TOP1MT: variants seen among roughly 807,000 people sequenced by gnomAD.
The protein encoded by TOP1MT is DNA topoisomerase I mitochondrial.
Under a neutral mutation model 73.9 loss-of-function variants are expected in TOP1MT, and 80 were observed. The ratio of observed to expected loss-of-function variants is 1.08; its 90% CI spans 0.90 to 1.30. The LOEUF (loss-of-function observed/expected upper bound fraction) is 1.30, where lower values mean the gene tolerates loss of function less well. Among genes scored for constraint, TOP1MT ranks in the 50% most tolerant of loss-of-function variants. The pLI is 0.00. For synonymous variants in TOP1MT, 338 were observed against 326.4 expected, an observed-to-expected ratio of 1.04 and a Z score of -0.38; for missense variants, 815 against 808.0, an observed-to-expected ratio of 1.01 and a Z score of -0.10.
At chr8:143,321,687 C>T (rs1377089285) in intron 7 of TOP1MT, among the ~76,000 whole-genome samples, 1 of 133,210 alleles carries the variant, frequency 7.5e-6, no homozygotes, top group Non-Finnish European at 1.6e-5. Flanking sequence ...ACGCACGCCA[C>T]GCACGCACGC....
chr8:143,339,130 C>T (rs527648106), upstream of TOP1MT, among the ~76,000 whole-genome samples: 46 of 152,306 alleles, frequency 3.0e-4, no homozygotes, highest in South Asian at 3.3e-3. Context: ...TGGGAGGCGG[C>T]GCCGCCCAGC....
At chr8:143,349,128 G>A (rs1817278293), upstream of TOP1MT, among the ~76,000 whole-genome samples, 1 of 152,122 alleles carries the variant, frequency 6.6e-6, no homozygotes, top group Non-Finnish European at 1.5e-5. Context: ...GGCGGGCCAT[G>A]AGCCTCTTCT....
rs1163599290 is a variant in TOP1MT, at chr8:143,322,559, AC to A, written c.961-1174del. On this transcript the variant is annotated intron_variant, in intron 7 of 13. Coordinates refer to ENST00000329245, the MANE Select transcript of TOP1MT (RefSeq NM_052963.3). ...GATGCACGCCACACACACGCACGCCACACACAGACACGCCACACACATGCAC... is the reference window on the plus strand; with the variant it reads ...GATGCACGCCACACACACGCACGCCAACACAGACACGCCACACACATGCAC... Among the ~76,000 whole-genome samples, 622 of 118,102 alleles carry A rather than the reference AC, an allele frequency of 5.3e-3. 19 individuals carry two copies. Among genetic ancestry groups the A allele is most frequent in the African/African-American group, 0.02 (597 of 29,442 alleles). 77.5% of individuals were successfully genotyped at this position (118,102 alleles called of 152,430 possible).
At chr8:143,320,868 G>A (rs1373215053) in intron 8 of TOP1MT, among the ~76,000 whole-genome samples, 2 of 152,020 alleles carry the variant, frequency 1.3e-5, no homozygotes, top group African/African-American at 4.8e-5. Context: ...CCCCAGGGCT[G>A]AGCGACAATA....
chr8:143,311,050 C>T (rs1418382999), intron 12 of TOP1MT, among the ~76,000 whole-genome samples: 2 of 151,664 alleles, frequency 1.3e-5, no homozygotes, highest in African/African-American at 2.4e-5. Context: ...CCTCTGCCTC[C>T]CGGGTTCAAG....
chr8:143,318,059 C>G lies in TOP1MT; in HGVS notation c.1174G>C (p.Glu392Gln), dbSNP rs754988980. 1.2e-6 allele frequency: 2 copies of G among 1,614,090 alleles called. No homozygotes were observed. Among genetic ancestry groups the G allele is most frequent in the Non-Finnish European group, 1.7e-6 (2 of 1,180,002 alleles). The change falls in exon 9 of 14, where the codon GAG becomes CAG. Residue 392 changes from glutamate (E) to glutamine (Q), a missense_variant. Glu to Gln is a conservative substitution (Grantham distance 29). Around this residue, in one of 3 missense-constraint regions of TOP1MT, gnomAD observed 751 missense variants for 725.4 expected, o/e 1.04. Transcript: ENST00000329245. Reference protein sequence around the residue: ...PVYKNLQLFMENKDPRDDLFD... With the variant: ...PVYKNLQLFMQNKDPRDDLFD... ...AGGTCGTCCCGGGGGTCCTTGTTCT[C>G]CATAAAGAGCTGTAAGTTCTTGTAC... is the stretch of plus-strand genomic sequence containing the variant.
chr8:143,322,581 T>C (rs1226418715), intron 7 of TOP1MT, among the ~76,000 whole-genome samples: 658 of 56,008 alleles, frequency 0.012, 20 homozygotes, highest in African/African-American at 0.042. Context: ...GCCACACACA[T>C]GCACGCCACA....
At chr8:143,351,579 C>CAAAAAA (rs35498119) in intron 1 of TOP1MT, among the ~76,000 whole-genome samples, 1 of 91,510 alleles carries the variant, frequency 1.1e-5, no homozygotes. Context: ...GACCCAGTCT[C>CAAAAAA]AAAAAAAAAA....
upstream of TOP1MT, among the ~76,000 whole-genome samples, chr8:143,335,460 T>C (rs528072136): frequency 6.6e-6 from 1 of 152,272 alleles, no homozygotes; most frequent in African/African-American, 2.4e-5. Context: ...AACCAGCCTC[T>C]CACTCCCAAG....
upstream of TOP1MT, among the ~76,000 whole-genome samples, chr8:143,335,727 A>T (rs898445174): frequency 1.3e-5 from 2 of 152,240 alleles, no homozygotes; most frequent in Non-Finnish European, 2.9e-5. Context: ...ATTCACATGC[A>T]TTCCGCACTT....
chr8:143,343,482 A>C (rs1586781899), intron 1 of TOP1MT: 1 of 336,328 alleles, frequency 3.0e-6, no homozygotes, highest in East Asian at 7.6e-5. Context: ...GACTCTGAGC[A>C]CAGCACCAGC....
upstream of TOP1MT, among the ~76,000 whole-genome samples, chr8:143,336,554 T>C (rs1383016964): frequency 1.3e-5 from 2 of 152,088 alleles, no homozygotes; most frequent in African/African-American, 4.8e-5. Context: ...CACCACTGCC[T>C]CTCAACATGG....
At position 143,334,857 on chromosome 8, in the gene TOP1MT, C is replaced by T. The variant is rs1816952377; in HGVS notation, c.5G>A (p.Arg2His). The T allele has an allele frequency of 7.5e-6, 11 of 1,474,916 alleles. No individual in the cohort carries two copies. Among genetic ancestry groups the T allele is most frequent in the Non-Finnish European group, 9.7e-6 (11 of 1,132,134 alleles). The allele number at this position is 1,474,916 out of a possible 1,614,324, so 91.4% of individuals were successfully genotyped here. A position where few individuals can be genotyped will look rare whatever the true frequency, so the allele number is the denominator to read the frequency against. M[R>H]VVRLLRLRAA... ...CCGGAGCCGCAGCAGCCGCACCACG[C>T]GCATCTGCCAGCCTCCGGGAAAGAG... The change falls in exon 1 of 14, where the codon CGC becomes CAC. Residue 2 changes from arginine to histidine, a missense_variant. By Grantham distance (29) the Arg-to-His change is conservative. Transcript: ENST00000329245.
intron 1 of TOP1MT, 58 bp downstream of exon 1, chr8:143,334,682 G>A (rs1816943815): frequency 6.3e-7 from 1 of 1,588,128 alleles, no homozygotes; most frequent in Non-Finnish European, 8.6e-7. Context: ...TCCCCTTTCT[G>A]GACCTACCCA....
intron 2 of TOP1MT, among the ~76,000 whole-genome samples, chr8:143,329,942 T>TC (rs538230751): frequency 6.6e-6 from 1 of 151,908 alleles, no homozygotes; most frequent in Admixed American, 6.6e-5. Context: ...GGTTTAGAGA[T>TC]GGGGGGTGAG....
chr8:143,358,171 T>C (rs1390674516), upstream of TOP1MT, among the ~76,000 whole-genome samples: 1 of 152,248 alleles, frequency 6.6e-6, no homozygotes, highest in East Asian at 1.9e-4. Flanking sequence ...CTGTCTTCCC[T>C]GATTTTTATG....
chr8:143,345,616 G>A (rs1029854468), upstream of TOP1MT, among the ~76,000 whole-genome samples: 1 of 152,202 alleles, frequency 6.6e-6, no homozygotes, highest in African/African-American at 2.4e-5. Flanking sequence ...TACAGATAAG[G>A]CTTGCATTAA....
chr8:143,321,085 C>T (rs1447783640), intron 8 of TOP1MT, 116 bp downstream of exon 8: 2 of 1,112,644 alleles, frequency 1.8e-6, no homozygotes, highest in Non-Finnish European at 2.5e-6. Context: ...AGGCCTCACC[C>T]AGCAGGCAGG....
In TOP1MT at chr8:143,322,182, CCACACAGGCACGCCA is replaced by C. The variant is rs1463950995; in HGVS notation, c.961-811_961-797del. 1.2e-3 allele frequency among the ~76,000 whole-genome samples: 57 copies of C among 46,136 alleles called. 2 individuals carry two copies. Among genetic ancestry groups the C allele is most frequent in the East Asian group, 2.3e-3 (1 of 432 alleles). 30.3% of individuals were successfully genotyped at this position (46,136 alleles called of 152,430 possible). ...GCCACACACGCATGCCACACGCACG[CCACACAGGCACGCCA>C]CACACACAGGCACGCCACACACAGG... is the stretch of plus-strand genomic sequence containing the variant. On this transcript the variant is annotated intron_variant, in intron 7 of 13. Coordinates refer to ENST00000329245, the MANE Select transcript of TOP1MT (RefSeq NM_052963.3).
Sources: allele counts gnomAD v4.1 joint callset (sites outside exome capture counted in the v4.1 genomes callset), GRCh38; gene constraint gnomAD v4.1.1; regional missense constraint gnomAD v4.1.1; transcripts MANE v1.5; gene names NCBI Gene and HGNC (gene_info 2026-07-23, HGNC 2026-07-21).